Variants in SLC38A1 observed in about 807,000 individuals in gnomAD.
SLC38A1 encodes solute carrier family 38 member 1.
Under a neutral mutation model 60.3 loss-of-function variants are expected in SLC38A1, and 18 were observed. The ratio of observed to expected loss-of-function variants is 0.30; its 90% CI spans 0.21 to 0.44. SLC38A1 has a LOEUF of 0.44. Ranked by LOEUF, SLC38A1 falls within the 20% of genes least tolerant of loss-of-function variation. The probability of loss-of-function intolerance (pLI) is 1.00; values close to 1 mark genes in which losing one functional copy is unlikely to be tolerated. For synonymous variants in SLC38A1, 196 were observed against 212.1 expected (o/e 0.92, Z 0.66); for missense variants, 448 against 587.2 (o/e 0.76, Z 2.45).
Position 46,204,621 on chromosome 12 carries a change from C to T in SLC38A1, c.647-31G>A, listed in dbSNP as rs753768483. 7.2e-6 allele frequency: 11 copies of T among 1,530,714 alleles called. No individual in the cohort carries two copies. In the South Asian group the frequency reaches 1.4e-4, roughly 19 times the overall value. 94.8% of individuals were successfully genotyped at this position (1,530,714 alleles called of 1,614,324 possible). A position where few individuals can be genotyped will look rare whatever the true frequency, so the allele number is the denominator to read the frequency against. ...AAAAAAAGTAAAAAATAAATTATTTCATTTTTTTCCATTTTTAAAAATTTT... is the reference window on the plus strand; with the variant it reads ...AAAAAAAGTAAAAAATAAATTATTTTATTTTTTTCCATTTTTAAAAATTTT... On this transcript the variant is annotated intron_variant, in intron 9 of 16. Transcript: ENST00000398637.
intron 1 of SLC38A1, among the ~76,000 whole-genome samples, chr12:46,253,453 G>C (rs1336216535): frequency 6.6e-6 from 1 of 152,178 alleles, no homozygotes; most frequent in Admixed American, 6.5e-5. Context: ...AGACCATATA[G>C]GGCAACTTCC....
intron 1 of SLC38A1, among the ~76,000 whole-genome samples, chr12:46,247,612 C>G (rs1395379096): frequency 6.6e-6 from 1 of 152,198 alleles, no homozygotes; most frequent in African/African-American, 2.4e-5. Flanking sequence ...AAACACTCTT[C>G]AGGATATTGT....
At chr12:46,209,331 T>TA (rs1940046120) in intron 5 of SLC38A1, among the ~76,000 whole-genome samples, 1 of 152,216 alleles carries the variant, frequency 6.6e-6, no homozygotes. Context: ...AGAATCTGAG[T>TA]AACAGTTCAA....
chr12:46,198,204 T>A, intron 14 of SLC38A1, 144 bp from the exon 15 acceptor site: 1 of 884,420 alleles, frequency 1.1e-6, no homozygotes, highest in Non-Finnish European at 1.7e-6. Flanking sequence ...AGCTTAACAG[T>A]TTTGGAAGTA....
intron 1 of SLC38A1, among the ~76,000 whole-genome samples, chr12:46,256,022 C>T (rs1460852553): frequency 2.6e-5 from 4 of 152,042 alleles, no homozygotes; most frequent in African/African-American, 9.6e-5. Context: ...AAAAAATTAG[C>T]TGGGCATGGT....
intron 5 of SLC38A1, among the ~76,000 whole-genome samples, chr12:46,219,080 A>G (rs1940542875): frequency 6.6e-6 from 1 of 152,208 alleles, no homozygotes; most frequent in Non-Finnish European, 1.5e-5. Flanking sequence ...CGTGTAGTTA[A>G]TTTGTTAGTC....
chr12:46,230,728 A>C (rs1941042776), intron 3 of SLC38A1, among the ~76,000 whole-genome samples: 1 of 152,260 alleles, frequency 6.6e-6, no homozygotes, highest in Non-Finnish European at 1.5e-5. Context: ...GAGTATCAAA[A>C]CTTTATAGCC....
At chr12:46,203,472 G>C (rs1300392727) in intron 11 of SLC38A1, among the ~76,000 whole-genome samples, 3 of 152,114 alleles carry the variant, frequency 2.0e-5, no homozygotes, top group African/African-American at 7.2e-5. Flanking sequence ...CCCTCCAACA[G>C]GTCAGGCGAC....
intron 3 of SLC38A1, among the ~76,000 whole-genome samples, chr12:46,235,290 G>A (rs1350502823): frequency 6.6e-6 from 1 of 152,214 alleles, no homozygotes; most frequent in African/African-American, 2.4e-5. Context: ...GTTCTTACTA[G>A]ATTATACTGT....
chr12:46,248,288 C>A (rs1046355451), intron 1 of SLC38A1, among the ~76,000 whole-genome samples: 1 of 152,210 alleles, frequency 6.6e-6, no homozygotes, highest in South Asian at 2.1e-4. Context: ...ATTCAAGAGA[C>A]CCATCTCACG....
chr12:46,232,667 G>A (rs1353572534), intron 3 of SLC38A1, among the ~76,000 whole-genome samples: 1 of 152,194 alleles, frequency 6.6e-6, no homozygotes, highest in Admixed American at 6.5e-5. Flanking sequence ...TCAAAAGACT[G>A]TACAGTGTCC....
chr12:46,197,892 G>T, intron 15 of SLC38A1, 27 bp downstream of exon 15: 1 of 1,611,070 alleles, frequency 6.2e-7, no homozygotes, highest in South Asian at 1.1e-5. Flanking sequence ...ACTGTAGAAT[G>T]ACAAGCACAA....
chr12:46,192,917 GTATCTC>G (rs1438363064), intron 16 of SLC38A1, among the ~76,000 whole-genome samples: 1 of 151,962 alleles, frequency 6.6e-6, no homozygotes, highest in Non-Finnish European at 1.5e-5. Context: ...AAGGGTTTTT[GTATCTC>G]TATCTCCTTC....
At chr12:46,231,906 G>A (rs1213038342) in intron 3 of SLC38A1, among the ~76,000 whole-genome samples, 2 of 152,122 alleles carry the variant, frequency 1.3e-5, no homozygotes, top group South Asian at 2.1e-4. Context: ...ATGAGCCACC[G>A]CACCCAGCCT....
chr12:46,241,235 T>C (rs1273037489), intron 2 of SLC38A1, among the ~76,000 whole-genome samples: 2 of 152,202 alleles, frequency 1.3e-5, no homozygotes, highest in Non-Finnish European at 2.9e-5. Context: ...AAGATGGCTA[T>C]AGCCTAGTTA....
intron 13 of SLC38A1, 127 bp from the exon 14 acceptor site, chr12:46,198,870 TA>T: frequency 1.5e-6 from 1 of 645,942 alleles, no homozygotes; most frequent in Non-Finnish European, 2.7e-6. Flanking sequence ...AAATGTCTAT[TA>T]AAACAATCAG....
rs749922834 is a variant in SLC38A1, at chr12:46,207,627, T to TA, written c.389-7dup. On this transcript the variant is annotated splice_region_variant and splice_polypyrimidine_tract_variant and intron_variant, in intron 6 of 16. Transcript: ENST00000398637. ...CTTTTCATACACCATGCAGCCTATT[T>TA]AAAAATCAAATTTGAGAACACAAGA... 2.7e-5 allele frequency: 43 copies of TA among 1,612,944 alleles called. No homozygotes were observed. The highest frequency in any genetic ancestry group is 3.6e-5 in the Non-Finnish European group (42 of 1,179,112).
chr12:46,204,614 A>C, intron 9 of SLC38A1, 24 bp from the exon 10 acceptor site: 2 of 1,561,048 alleles, frequency 1.3e-6, no homozygotes, highest in Non-Finnish European at 1.7e-6. Flanking sequence ...TAAAAAATAA[A>C]TTATTTCATT....
At chr12:46,229,800 T>C (rs904285733) in intron 3 of SLC38A1, among the ~76,000 whole-genome samples, 161 bp from the exon 4 acceptor site, 1 of 152,202 alleles carries the variant, frequency 6.6e-6, no homozygotes, top group Non-Finnish European at 1.5e-5. Flanking sequence ...CCCACCTTTT[T>C]TTCTTTTGCC....
Sources: gnomAD v4.1 joint callset for allele counts (sites outside exome capture counted in the v4.1 genomes callset) on GRCh38, gnomAD v4.1.1 for gene constraint, MANE v1.5 for transcripts, NCBI Gene and HGNC (gene_info 2026-07-23, HGNC 2026-07-21) for gene names.